The following EML4 variants were observed in gnomAD, a reference collection of about 807,000 sequenced individuals.
The protein encoded by EML4 is EMAP like 4, also known as echinoderm microtubule-associated protein-like 4.
Under a neutral mutation model 129.0 loss-of-function variants are expected in EML4, and 72 were observed. The ratio of observed to expected loss-of-function variants is 0.56; its 90% CI spans 0.46 to 0.68. The LOEUF (loss-of-function observed/expected upper bound fraction) is 0.68. EML4 is among the 30% of genes least tolerant of loss of function. The pLI, the probability that EML4 is intolerant of heterozygous loss-of-function variation, is 0.00. For synonymous variants in EML4, 532 were observed against 405.0 expected, an observed-to-expected ratio of 1.31 and a Z score of -3.77; for missense variants, 1,363 against 1,190.6, an observed-to-expected ratio of 1.14 and a Z score of -2.13.
At chr2:42,215,009 G>A (rs1673100251) in intron 1 of EML4, among the ~76,000 whole-genome samples, 2 of 152,134 alleles carry the variant, frequency 1.3e-5, no homozygotes, top group Non-Finnish European at 2.9e-5. Flanking sequence ...TTCATTGGGG[G>A]TTCATCTGTG....
At position 42,284,716 on chromosome 2, in the gene EML4, G is replaced by C. The variant is rs1558574242; in HGVS notation, c.1011+13G>C. 8 of 1,595,348 alleles carry C rather than the reference G, an allele frequency of 5.0e-6. No homozygotes were observed. The highest frequency in any genetic ancestry group is 1.1e-5 in the South Asian group (1 of 89,948). On this transcript the variant is annotated intron_variant, in intron 9 of 22. Transcript: ENST00000318522. ...TAAAGATGGAAGGGTGAGTGGCATA[G>C]TGTTATGCCTTCTGTACCTAGAGAC...
chr2:42,218,798 G>A (rs1236423405), intron 1 of EML4, among the ~76,000 whole-genome samples: 2 of 152,134 alleles, frequency 1.3e-5, no homozygotes, highest in African/African-American at 4.8e-5. Flanking sequence ...CCAGTAGTAT[G>A]GTAGTGGCTT....
intron 9 of EML4, 87 bp from the exon 10 acceptor site, chr2:42,286,178 ATTAC>A (rs957787652): frequency 2.5e-6 from 2 of 788,742 alleles, no homozygotes; most frequent in Admixed American, 1.8e-5. Flanking sequence ...ATCCATCCCT[ATTAC>A]TTTTTTAAAT....
At chr2:42,286,174 C>T (rs1256799279) in intron 9 of EML4, 95 bp from the exon 10 acceptor site, 2 of 773,742 alleles carry the variant, frequency 2.6e-6, no homozygotes, top group Admixed American at 3.6e-5. Flanking sequence ...GCTTATCCAT[C>T]CCTATTACTT....
chr2:42,200,406 G>C (rs1672160302), intron 1 of EML4, among the ~76,000 whole-genome samples: 1 of 152,202 alleles, frequency 6.6e-6, no homozygotes, highest in African/African-American at 2.4e-5. Context: ...TGCTCCACAT[G>C]TGACCTGTAA....
At chr2:42,188,727 T>C (rs1358160788) in intron 1 of EML4, among the ~76,000 whole-genome samples, 3 of 152,190 alleles carry the variant, frequency 2.0e-5, no homozygotes, top group African/African-American at 7.2e-5. Flanking sequence ...AGTTTCACCA[T>C]GTTGGCCAGG....
chr2:42,242,412 C>G (rs1324771038), intron 1 of EML4, among the ~76,000 whole-genome samples: 1 of 152,104 alleles, frequency 6.6e-6, no homozygotes, highest in Non-Finnish European at 1.5e-5. Context: ...ATTGGAGCAG[C>G]TCTCAGAATT....
intron 2 of EML4, among the ~76,000 whole-genome samples, chr2:42,250,339 C>G (rs901116160): frequency 1.3e-5 from 2 of 152,166 alleles, no homozygotes; most frequent in African/African-American, 4.8e-5. Flanking sequence ...TTGTATCATT[C>G]AGCTCCTGGT....
intron 6 of EML4, among the ~76,000 whole-genome samples, chr2:42,278,598 A>T (rs1666796777): frequency 6.6e-6 from 1 of 150,470 alleles, no homozygotes. Context: ...AAAAAAAAAA[A>T]AAAAATCCAT....
chr2:42,199,752 T>A (rs1307161335), intron 1 of EML4, among the ~76,000 whole-genome samples: 1 of 152,064 alleles, frequency 6.6e-6, no homozygotes, highest in Non-Finnish European at 1.5e-5. Context: ...GAGGGTAACC[T>A]TTTGGGAGAG....
intron 1 of EML4, among the ~76,000 whole-genome samples, chr2:42,193,947 A>C (rs998529781): frequency 6.6e-6 from 1 of 152,140 alleles, no homozygotes; most frequent in African/African-American, 2.4e-5. Context: ...GGCCTCCCAG[A>C]GTGCTGGGAT....
intron 3 of EML4, among the ~76,000 whole-genome samples, chr2:42,257,103 C>T (rs1298414339): frequency 6.6e-6 from 1 of 151,842 alleles, no homozygotes; most frequent in African/African-American, 2.4e-5. Context: ...ATAGTACTAT[C>T]TGGGGTGTGT....
At chr2:42,178,104 A>G (rs1271883624) in intron 1 of EML4, among the ~76,000 whole-genome samples, 1 of 152,228 alleles carries the variant, frequency 6.6e-6, no homozygotes, top group Non-Finnish European at 1.5e-5. Flanking sequence ...TAATTAGAAT[A>G]TGTTTAACAG....
At position 42,286,250 on chromosome 2, in the gene EML4, C is replaced by G; in HGVS notation, c.1012-19C>G. On this transcript the variant is annotated intron_variant, in intron 9 of 22. Transcript: ENST00000318522. ...TGCATCCACCTGTCCAGTTGCTCTGCTGTCTTGTGTTTTTGCAGCCTCTAC... is the reference window on the plus strand; with the variant it reads ...TGCATCCACCTGTCCAGTTGCTCTGGTGTCTTGTGTTTTTGCAGCCTCTAC... 1 of 1,436,432 alleles carries G rather than the reference C, an allele frequency of 7.0e-7. No individual in the cohort carries two copies. Among genetic ancestry groups the G allele is most frequent in the African/African-American group, 1.4e-5 (1 of 71,576 alleles). 89.0% of individuals were successfully genotyped at this position (1,436,432 alleles called of 1,614,324 possible). A position where few individuals can be genotyped will look rare whatever the true frequency, so the allele number is the denominator to read the frequency against.
intron 1 of EML4, among the ~76,000 whole-genome samples, chr2:42,214,533 T>C (rs1353860044): frequency 1.3e-5 from 2 of 152,168 alleles, no homozygotes; most frequent in African/African-American, 4.8e-5. Context: ...ATACCCTTAT[T>C]GATCTATTCT....
At chr2:42,242,762 CTTTTCTT>C (rs971754264) in intron 1 of EML4, among the ~76,000 whole-genome samples, 13 of 143,288 alleles carry the variant, frequency 9.1e-5, no homozygotes, top group South Asian at 4.5e-4. Context: ...CTTTTTTTCT[CTTTTCTT>C]TTTTCTTTTC....
At chr2:42,220,220 A>G (rs902156230) in intron 1 of EML4, among the ~76,000 whole-genome samples, 2 of 144,044 alleles carry the variant, frequency 1.4e-5, no homozygotes, top group Non-Finnish European at 3.0e-5. Flanking sequence ...ATACTCTTGC[A>G]CTTTGCAGAT....
chr2:42,278,156 T>A (rs902399053), intron 6 of EML4, among the ~76,000 whole-genome samples: 1 of 152,108 alleles, frequency 6.6e-6, no homozygotes, highest in African/African-American at 2.4e-5. Flanking sequence ...CTTTAGCTCC[T>A]TTTGTAACCA....
At chr2:42,306,684 A>G (rs1327505224) in intron 17 of EML4, among the ~76,000 whole-genome samples, 1 of 144,874 alleles carries the variant, frequency 6.9e-6, no homozygotes. Flanking sequence ...TTGTATTTTT[A>G]GTAGAGACAG....
Sources: allele counts gnomAD v4.1 joint callset (sites outside exome capture counted in the v4.1 genomes callset), GRCh38; gene constraint gnomAD v4.1.1; transcripts MANE v1.5; gene names NCBI Gene and HGNC (gene_info 2026-07-23, HGNC 2026-07-21).